EEFSEC: variants seen among roughly 807,000 people sequenced by gnomAD.
The protein encoded by EEFSEC is eukaryotic elongation factor, selenocysteine-tRNA specific.
A neutral mutation model predicts 42.1 loss-of-function variants in EEFSEC; 43 were observed. The ratio of observed to expected loss-of-function variants is 1.02; its 90% CI spans 0.80 to 1.32. The LOEUF (loss-of-function observed/expected upper bound fraction) is 1.32, where lower values mean the gene tolerates loss of function less well. Ranked by LOEUF, EEFSEC falls within the 40% of genes most tolerant of loss-of-function variation. The probability of loss-of-function intolerance (pLI) is 0.00; values close to 1 mark genes in which losing one functional copy is unlikely to be tolerated. For synonymous variants in EEFSEC, 354 were observed against 339.1 expected (o/e 1.04, Z -0.48); for missense variants, 745 against 803.6 (o/e 0.93, Z 0.88).
chr3:128,323,974 G>C (rs2067036062), intron 4 of EEFSEC, among the ~76,000 whole-genome samples: 1 of 152,128 alleles, frequency 6.6e-6, no homozygotes, highest in African/African-American at 2.4e-5. Flanking sequence ...GCAGAAACCA[G>C]ACCGTTGAAG....
intron 1 of EEFSEC, among the ~76,000 whole-genome samples, chr3:128,163,770 C>T (rs1373881544): frequency 6.6e-6 from 1 of 152,060 alleles, no homozygotes; most frequent in African/African-American, 2.4e-5. Flanking sequence ...CGGTCCTGGA[C>T]ATTTCATATA....
intron 4 of EEFSEC, among the ~76,000 whole-genome samples, chr3:128,288,909 G>T (rs936177503): frequency 6.6e-6 from 1 of 152,168 alleles, no homozygotes; most frequent in African/African-American, 2.4e-5. Flanking sequence ...TGGGTCCGTT[G>T]GTGCCTGGAG....
At chr3:128,364,536 G>A (rs541383534) in intron 6 of EEFSEC, among the ~76,000 whole-genome samples, 1 of 152,366 alleles carries the variant, frequency 6.6e-6, no homozygotes, top group Non-Finnish European at 1.5e-5. Flanking sequence ...ACAGTGGAAA[G>A]ACCATGGGAT....
At chr3:128,198,129 G>GTT (rs747702381) in intron 1 of EEFSEC, among the ~76,000 whole-genome samples, 1 of 152,184 alleles carries the variant, frequency 6.6e-6, no homozygotes, top group Non-Finnish European at 1.5e-5. Context: ...GAGTGATGTT[G>GTT]TTTCAGGGTA....
At chr3:128,298,514 A>G (rs921725840) in intron 4 of EEFSEC, among the ~76,000 whole-genome samples, 2 of 152,236 alleles carry the variant, frequency 1.3e-5, no homozygotes, top group African/African-American at 4.8e-5. Context: ...TGATACATTC[A>G]TGCAGTGTGT....
At chr3:128,291,256 G>A (rs1260823259) in intron 4 of EEFSEC, among the ~76,000 whole-genome samples, 1 of 151,984 alleles carries the variant, frequency 6.6e-6, no homozygotes, top group Non-Finnish European at 1.5e-5. Context: ...TATATTTTGA[G>A]CACATGTTGC....
chr3:128,356,664 G>A (rs1324850864), intron 5 of EEFSEC, among the ~76,000 whole-genome samples: 1 of 152,210 alleles, frequency 6.6e-6, no homozygotes, highest in African/African-American at 2.4e-5. Flanking sequence ...TAGAAAAGGT[G>A]TATGGTGAAA....
intron 4 of EEFSEC, among the ~76,000 whole-genome samples, chr3:128,266,847 A>G (rs1019566829): frequency 6.6e-6 from 1 of 152,134 alleles, no homozygotes; most frequent in African/African-American, 2.4e-5. Flanking sequence ...CAAAAGTGTA[A>G]AAGTAGATTC....
chr3:128,309,090 AGT>A (rs1396539456), intron 4 of EEFSEC, among the ~76,000 whole-genome samples: 2 of 152,256 alleles, frequency 1.3e-5, no homozygotes, highest in Admixed American at 1.3e-4. Flanking sequence ...CATGAGCAAG[AGT>A]GTGAAAGTGA....
At chr3:128,175,828 C>T (rs945578917) in intron 1 of EEFSEC, among the ~76,000 whole-genome samples, 2 of 152,194 alleles carry the variant, frequency 1.3e-5, no homozygotes, top group African/African-American at 4.8e-5. Context: ...GATTTGCACC[C>T]TGTCCTTCGG....
chr3:128,349,267 G>A (rs879283616), intron 5 of EEFSEC, among the ~76,000 whole-genome samples: 1 of 152,140 alleles, frequency 6.6e-6, no homozygotes, highest in Non-Finnish European at 1.5e-5. Context: ...TATGGGGGGT[G>A]TTCTAGGTCA....
intron 4 of EEFSEC, among the ~76,000 whole-genome samples, chr3:128,297,882 C>T (rs1303281075): frequency 6.6e-6 from 1 of 152,212 alleles, no homozygotes; most frequent in African/African-American, 2.4e-5. Flanking sequence ...TGGCTCCTGG[C>T]CAATCCTGCT....
At chr3:128,391,118 C>T (rs1270530520) in intron 6 of EEFSEC, among the ~76,000 whole-genome samples, 3 of 152,248 alleles carry the variant, frequency 2.0e-5, no homozygotes, top group African/African-American at 7.2e-5. Flanking sequence ...ACCTCTGCAG[C>T]CCCGCCCCCG....
chr3:128,195,493 AC>A (rs1482650072), intron 1 of EEFSEC, among the ~76,000 whole-genome samples: 1 of 152,210 alleles, frequency 6.6e-6, no homozygotes, highest in Non-Finnish European at 1.5e-5. Context: ...AGATAAAAGG[AC>A]ACTCCAAAGC....
chr3:128,335,706 G>GGGAAGAACAGGCTCTT (rs1238911600), intron 4 of EEFSEC, among the ~76,000 whole-genome samples: 1 of 152,154 alleles, frequency 6.6e-6, no homozygotes, highest in East Asian at 1.9e-4. Flanking sequence ...ACAGGCTGTG[G>GGGAAGAACAGGCTCTT]GGAAGAACAG....
At chr3:128,394,866 G>C (rs567428179) in intron 6 of EEFSEC, among the ~76,000 whole-genome samples, 1 of 152,214 alleles carries the variant, frequency 6.6e-6, no homozygotes, top group African/African-American at 2.4e-5. Flanking sequence ...ATATGGCTGT[G>C]TGGTCAGAAG....
At chr3:128,233,162 TTTCGGC>T (rs2065975672) in intron 1 of EEFSEC, among the ~76,000 whole-genome samples, 2 of 152,214 alleles carry the variant, frequency 1.3e-5, no homozygotes, top group African/African-American at 4.8e-5. Flanking sequence ...ACTGACCCCT[TTTCGGC>T]AGAGTGAGTT....
chr3:128,190,898 T>C (rs770007647), intron 1 of EEFSEC, among the ~76,000 whole-genome samples: 16 of 152,252 alleles, frequency 1.1e-4, no homozygotes, highest in Non-Finnish European at 2.4e-4. Context: ...AGTCACCTGC[T>C]TCAGCTCACT....
At chr3:128,308,824 A>C (rs1028669010) in intron 4 of EEFSEC, among the ~76,000 whole-genome samples, 2 of 152,122 alleles carry the variant, frequency 1.3e-5, no homozygotes, top group Non-Finnish European at 2.9e-5. Context: ...TGGATGGGAG[A>C]GCTCAAGACA....
Sources: allele counts gnomAD v4.1 joint callset (sites outside exome capture counted in the v4.1 genomes callset), GRCh38; gene constraint gnomAD v4.1.1; transcripts MANE v1.5; gene names NCBI Gene and HGNC (gene_info 2026-07-23, HGNC 2026-07-21).